The following LPA variants were observed in gnomAD, a reference collection of about 807,000 sequenced individuals.
The protein encoded by LPA is lipoprotein(a).
In LPA, 199 loss-of-function variants were observed where a neutral mutation model predicts 197.9. That is an observed-to-expected ratio of 1.01 (90% CI 0.90 to 1.13). The LOEUF (loss-of-function observed/expected upper bound fraction) is 1.13, where lower values mean the gene tolerates loss of function less well. Ranked by LOEUF, LPA falls within the 50% of genes most tolerant of loss-of-function variation. The pLI, the probability that LPA is intolerant of heterozygous loss-of-function variation, is 0.00. For synonymous variants in LPA, 715 were observed against 639.5 expected, an observed-to-expected ratio of 1.12 and a Z score of -1.78; for missense variants, 1,853 against 1,785.8, an observed-to-expected ratio of 1.04 and a Z score of -0.68.
intron 16 of LPA, among the ~76,000 whole-genome samples, chr6:160,607,044 A>G (rs1485770201): frequency 1.1e-4 from 16 of 151,886 alleles, no homozygotes; most frequent in Non-Finnish European, 1.9e-4. Flanking sequence ...AAGTATCTGT[A>G]TTTATCTAGT....
chr6:160,591,030 T>A lies in LPA; in HGVS notation c.3701A>T (p.Asn1234Ile), dbSNP rs930578756. 1 of 1,613,822 alleles carries A rather than the reference T, an allele frequency of 6.2e-7. No individual in the cohort carries two copies. The highest frequency in any genetic ancestry group is 1.3e-5 in the African/African-American group (1 of 74,912). Residue 1234 changes from asparagine to isoleucine, a missense_variant, in exon 23 of 39, where the codon AAT becomes ATT. By Grantham distance (149) the Asn-to-Ile change is moderately radical. Transcript: ENST00000316300. ...CAGGTTGCAGTACTCCCATCTGACA[T>A]TGGGATCCATGGTATAACACCAAGG... The part of the protein sequence containing the change: ...ISPWCYTMDP[N>I]VRWEYCNLTQ...
At chr6:160,593,928 T>C in intron 22 of LPA, 30 bp downstream of exon 22, 1 of 1,612,176 alleles carries the variant, frequency 6.2e-7, no homozygotes. Flanking sequence ...GGGGCTGCTG[T>C]CTGTCTTTGA....
At chr6:160,573,380 C>T (rs1778597856) in intron 28 of LPA, among the ~76,000 whole-genome samples, 1 of 151,288 alleles carries the variant, frequency 6.6e-6, no homozygotes, top group Non-Finnish European at 1.5e-5. Context: ...TTGGGCTTTG[C>T]CTTTCTCTGG....
intron 1 of LPA, among the ~76,000 whole-genome samples, chr6:160,657,967 T>C (rs773476440): frequency 6.6e-6 from 1 of 152,140 alleles, no homozygotes; most frequent in Non-Finnish European, 1.5e-5. Context: ...AGCCTAGTTA[T>C]AGGTCTAGAA....
In LPA at chr6:160,601,095, G is replaced by A. The variant is rs780906946; in HGVS notation, c.2949C>T (p.Gly983=). The change falls in exon 19 of 39, where the codon GGC becomes GGT. Residue 983 remains glycine (G), a synonymous_variant. Coordinates refer to ENST00000316300, the MANE Select transcript of LPA (RefSeq NM_005577.4). ...SRTPAYYPNA[G]LIKNYCRNPD... is the part of the protein sequence containing the mutation. The stretch of plus-strand genomic sequence containing the variant: ...GATTTCGGCAGTAGTTCTTGATCAA[G>A]CCACTGGAAATTCCAAAAGAATACA... The A allele has an allele frequency of 1.2e-6, 2 of 1,614,002 alleles. No individual in the cohort carries two copies. The highest frequency in any genetic ancestry group is 8.5e-7 in the Non-Finnish European group (1 of 1,179,950).
intron 30 of LPA, among the ~76,000 whole-genome samples, chr6:160,552,767 G>A (rs1289280121): frequency 6.6e-6 from 1 of 152,076 alleles, no homozygotes; most frequent in Non-Finnish European, 1.5e-5. Flanking sequence ...AACACACTTA[G>A]CTGTGGTTTT....
chr6:160,534,093 GAAAAC>G (rs201664898), intron 37 of LPA, among the ~76,000 whole-genome samples: 4,519 of 152,256 alleles, frequency 0.03, 229 homozygotes, highest in African/African-American at 0.1. Context: ...TTCGGTGTCA[GAAAAC>G]TGACACCGAA....
chr6:160,609,903 A>G (rs1306834607), intron 16 of LPA, among the ~76,000 whole-genome samples: 1 of 152,054 alleles, frequency 6.6e-6, no homozygotes, highest in Non-Finnish European at 1.5e-5. Context: ...CTTCTGAAAC[A>G]TCTAAATTTT....
chr6:160,594,307 C>A (rs1779089035), intron 21 of LPA, among the ~76,000 whole-genome samples, 190 bp from the exon 22 acceptor site: 1 of 152,174 alleles, frequency 6.6e-6, no homozygotes, highest in African/African-American at 2.4e-5. Context: ...TTAACGAGTT[C>A]TTAGAAAGAT....
chr6:160,610,702 C>A (rs1779481705), intron 16 of LPA, among the ~76,000 whole-genome samples: 2 of 152,076 alleles, frequency 1.3e-5, no homozygotes, highest in African/African-American at 2.4e-5. Flanking sequence ...AGAGTCATCC[C>A]AAACTCCAAT....
chr6:160,647,219 G>C (rs1336161335), intron 2 of LPA, among the ~76,000 whole-genome samples: 1 of 152,196 alleles, frequency 6.6e-6, no homozygotes. Context: ...ATGGCAGGAA[G>C]ACTAAGAGAT....
chr6:160,649,556 C>A (rs549794180), intron 2 of LPA, among the ~76,000 whole-genome samples: 1 of 152,272 alleles, frequency 6.6e-6, no homozygotes, highest in South Asian at 2.1e-4. Context: ...CCATCTCCTG[C>A]CCTTCAGTGC....
chr6:160,660,757 C>T lies in LPA; in HGVS notation c.49+3409G>A, dbSNP rs533217575. On this transcript the variant is annotated intron_variant, in intron 1 of 38. Coordinates refer to ENST00000316300, the MANE Select transcript of LPA (RefSeq NM_005577.4). ...AACTAAATTATGTTCTCATCTTGGG[C>T]AAAAATTAAGCAAAAAAAAAATGGA... 2.2e-3 allele frequency among the ~76,000 whole-genome samples: 334 copies of T among 150,164 alleles called. 1 individual carries two copies. Among genetic ancestry groups the T allele is most frequent in the African/African-American group, 7.6e-3 (314 of 41,168 alleles).
intron 1 of LPA, among the ~76,000 whole-genome samples, chr6:160,654,035 TTATATATAATATATAA>T (rs1780074049): frequency 5.8e-4 from 6 of 10,352 alleles, no homozygotes; most frequent in African/African-American, 2.9e-3. Context: ...ATAATATATA[TTATATATAATATATAA>T]TATATTATAT....
chr6:160,565,930 T>A (rs1312711058), intron 28 of LPA, among the ~76,000 whole-genome samples: 1 of 152,082 alleles, frequency 6.6e-6, no homozygotes, highest in Non-Finnish European at 1.5e-5. Context: ...AGGGTATCAG[T>A]GATTAAAGAT....
At chr6:160,643,106 G>GTGTT (rs1779868297) in intron 4 of LPA, among the ~76,000 whole-genome samples, 16 of 145,708 alleles carry the variant, frequency 1.1e-4, no homozygotes, top group African/African-American at 3.9e-4. Flanking sequence ...GTGTGTGTGT[G>GTGTT]TGTGTGTGTA....
In LPA at chr6:160,601,078, C is replaced by T. The variant is rs757072183; in HGVS notation, c.2966G>A (p.Cys989Tyr). 1 of 1,614,016 alleles carries T rather than the reference C, an allele frequency of 6.2e-7. No individual in the cohort carries two copies. The highest frequency in any genetic ancestry group is 1.3e-5 in the African/African-American group (1 of 74,998). The change falls in exon 19 of 39, where the codon TGC becomes TAC. Residue 989 changes from cysteine (C) to tyrosine (Y), a missense_variant. Physicochemically the swap from Cys to Tyr is radical, Grantham distance 194. Transcript: ENST00000316300. ...GGCTGCCACAGGATCTGGATTTCGG[C>T]AGTAGTTCTTGATCAAGCCACTGGA... The part of the protein sequence containing the change: ...YPNAGLIKNY[C>Y]RNPDPVAAPW...
chr6:160,656,989 G>T (rs2872764), intron 1 of LPA, among the ~76,000 whole-genome samples: 91,096 of 152,004 alleles, frequency 0.6, 27,608 homozygotes, highest in Middle Eastern at 0.68. Flanking sequence ...CTTTGCCTCT[G>T]CTGTCTATTA....
At position 160,593,977 on chromosome 6, in the gene LPA, T is replaced by C; in HGVS notation, c.3610A>G (p.Thr1204Ala). 6.2e-7 allele frequency: 1 copy of C among 1,613,934 alleles called. No individual in the cohort carries two copies. Among genetic ancestry groups the C allele is most frequent in the Non-Finnish European group, 8.5e-7 (1 of 1,179,828 alleles). The stretch of plus-strand genomic sequence containing the variant: ...TTGTACCCATTTGGATAATATTCTG[T>C]TGTCCTCTGATGCCAGTGTGGTGTC... ...SMTPHWHQRT[T>A]EYYPNGGLTR... The change falls in exon 22 of 39, where the codon ACA becomes GCA. Residue 1204 changes from threonine to alanine, a missense_variant. Transcript: ENST00000316300.
Sources: gnomAD v4.1 joint callset for allele counts (sites outside exome capture counted in the v4.1 genomes callset) on GRCh38, gnomAD v4.1.1 for gene constraint, MANE v1.5 for transcripts, NCBI Gene and HGNC (gene_info 2026-07-23, HGNC 2026-07-21) for gene names.